The following TMEM108 variants were observed in gnomAD, a reference collection of about 807,000 sequenced individuals.
TMEM108 encodes the protein cancer/testis antigen 124.
In TMEM108, 12 loss-of-function variants were observed where a neutral mutation model predicts 35.1. The observed-to-expected ratio is 0.34, with a 90% CI of 0.22 to 0.55. The LOEUF is 0.55. Among genes scored for constraint, TMEM108 ranks in the 20% least tolerant of loss-of-function variants. The probability of loss-of-function intolerance (pLI) is 0.89; values close to 1 mark genes in which losing one functional copy is unlikely to be tolerated. For synonymous variants in TMEM108, 287 were observed against 308.6 expected (o/e 0.93, Z 0.73); for missense variants, 680 against 753.3 (o/e 0.90, Z 1.14).
intron 3 of TMEM108, among the ~76,000 whole-genome samples, chr3:133,234,245 A>G (rs1277685562): frequency 1.3e-5 from 2 of 152,142 alleles, no homozygotes; most frequent in Non-Finnish European, 2.9e-5. Context: ...ATCCAGTTTC[A>G]GCTTTCTACA....
At chr3:133,372,630 G>A (rs1414923504) in intron 3 of TMEM108, among the ~76,000 whole-genome samples, 1 of 152,178 alleles carries the variant, frequency 6.6e-6, no homozygotes, top group Admixed American at 6.5e-5. Flanking sequence ...TTGTACTCTG[G>A]GAAGCAGTTT....
intron 3 of TMEM108, among the ~76,000 whole-genome samples, chr3:133,343,233 G>C (rs1353261037): frequency 1.3e-5 from 2 of 151,888 alleles, no homozygotes; most frequent in African/African-American, 4.8e-5. Context: ...TGGTGAGAAT[G>C]TGGAGCAACA....
chr3:133,206,851 C>T (rs1267365347), intron 2 of TMEM108, among the ~76,000 whole-genome samples: 1 of 152,190 alleles, frequency 6.6e-6, no homozygotes, highest in Non-Finnish European at 1.5e-5. Context: ...TCCACTGCTC[C>T]CTTCAGAGCT....
chr3:133,044,799 A>C (rs1943315410), intron 1 of TMEM108, among the ~76,000 whole-genome samples: 1 of 152,126 alleles, frequency 6.6e-6, no homozygotes. Flanking sequence ...ATATACATTT[A>C]AGAAAAAATT....
At chr3:133,110,084 T>C (rs1438838463) in intron 2 of TMEM108, among the ~76,000 whole-genome samples, 1 of 152,168 alleles carries the variant, frequency 6.6e-6, no homozygotes, top group Non-Finnish European at 1.5e-5. Flanking sequence ...ACCAAGCCTG[T>C]TTTGCCTGTT....
chr3:133,040,186 T>A (rs1006570859), intron 1 of TMEM108, among the ~76,000 whole-genome samples: 2 of 122,230 alleles, frequency 1.6e-5, no homozygotes, highest in African/African-American at 6.3e-5. Flanking sequence ...TTTATCACAG[T>A]TTTTTTTGTT....
intron 2 of TMEM108, among the ~76,000 whole-genome samples, chr3:133,071,409 A>G (rs1576303113): frequency 6.6e-6 from 1 of 152,116 alleles, no homozygotes; most frequent in East Asian, 1.9e-4. Flanking sequence ...CACCAGTCAT[A>G]TTGGTTTAGA....
At chr3:133,330,216 G>A (rs956077136) in intron 3 of TMEM108, among the ~76,000 whole-genome samples, 15 of 152,140 alleles carry the variant, frequency 9.9e-5, no homozygotes, top group Admixed American at 9.2e-4. Context: ...CTTCCCCTGC[G>A]GAAGCCTGTG....
intron 4 of TMEM108, chr3:133,389,481 C>T (rs755821953): frequency 1.3e-4 from 102 of 772,238 alleles, no homozygotes; most frequent in Non-Finnish European, 1.6e-4. Flanking sequence ...GTCAGGAGTT[C>T]GAGACCAGCC....
chr3:133,233,373 C>A (rs553182433), intron 3 of TMEM108, among the ~76,000 whole-genome samples: 1 of 143,160 alleles, frequency 7.0e-6, no homozygotes, highest in Non-Finnish European at 1.6e-5. Context: ...ATAAACTCAT[C>A]ATTTTTTATG....
At chr3:133,175,689 G>A (rs1241780733) in intron 2 of TMEM108, among the ~76,000 whole-genome samples, 1 of 152,166 alleles carries the variant, frequency 6.6e-6, no homozygotes, top group East Asian at 1.9e-4. Flanking sequence ...ACATGGAAAG[G>A]AGCAACTGGT....
chr3:133,041,568 A>G (rs1943277072), intron 1 of TMEM108, among the ~76,000 whole-genome samples: 1 of 152,212 alleles, frequency 6.6e-6, no homozygotes, highest in Admixed American at 6.5e-5. Flanking sequence ...AACTGTTTAC[A>G]TAAGGTAGGA....
intron 3 of TMEM108, among the ~76,000 whole-genome samples, chr3:133,327,577 G>GT (rs1181975906): frequency 2.6e-5 from 4 of 152,144 alleles, no homozygotes; most frequent in African/African-American, 9.7e-5. Context: ...TTCTGTTGAA[G>GT]TGTTTGAAGA....
chr3:133,380,177 G>T lies in TMEM108; in HGVS notation c.466G>T (p.Ala156Ser). ...PPGATSRPTT[A>S]PPRTTTRRPP... ...GGGGGCCACCAGCCGCCCCACCACA[G>T]CGCCCCCCCGCACTACCACACGCAG... Residue 156 changes from alanine to serine, a missense_variant, in exon 4 of 6, where the codon GCG becomes TCG. By Grantham distance (99) the Ala-to-Ser change is moderately conservative. Transcript: ENST00000321871. The surrounding 1 kb of genome is among the most constrained non-coding windows in gnomAD (Gnocchi z 5.3). 6.2e-7 allele frequency: 1 copy of T among 1,611,878 alleles called. No individual in the cohort carries two copies. The highest frequency in any genetic ancestry group is 8.5e-7 in the Non-Finnish European group (1 of 1,178,928).
At chr3:133,353,277 T>C (rs2072062119) in intron 3 of TMEM108, among the ~76,000 whole-genome samples, 1 of 152,180 alleles carries the variant, frequency 6.6e-6, no homozygotes, top group Non-Finnish European at 1.5e-5. Flanking sequence ...TATCCACACA[T>C]TCCAACCTCC....
chr3:133,103,853 C>T (rs1192530726), intron 2 of TMEM108, among the ~76,000 whole-genome samples: 1 of 152,184 alleles, frequency 6.6e-6, no homozygotes, highest in African/African-American at 2.4e-5. Context: ...CTTTTCTCAT[C>T]TATAAAATGG....
In TMEM108 at chr3:133,280,575, G is replaced by A. The variant is rs146068621; in HGVS notation, c.40+51224G>A. ...GTAATCCATTTGCTCTGTGAGGCCC[G>A]ATTTAATTAACATTCCTGTGGACAC... is the stretch of plus-strand genomic sequence containing the variant. On this transcript the variant is annotated intron_variant, in intron 3 of 5. Coordinates refer to ENST00000321871, the MANE Select transcript of TMEM108 (RefSeq NM_023943.4). Among the ~76,000 whole-genome samples the A allele has an allele frequency of 1.8e-4, 28 of 152,258 alleles. No homozygotes were observed. In the East Asian group the frequency reaches 3.5e-3, roughly 19 times the overall value.
At chr3:133,212,229 C>T (rs1428673180) in intron 2 of TMEM108, among the ~76,000 whole-genome samples, 1 of 152,124 alleles carries the variant, frequency 6.6e-6, no homozygotes, top group East Asian at 1.9e-4. Flanking sequence ...GTAGTCTTGG[C>T]CTACATGAAT....
intron 2 of TMEM108, among the ~76,000 whole-genome samples, chr3:133,047,641 G>A (rs1181868221): frequency 6.6e-6 from 1 of 152,194 alleles, no homozygotes; most frequent in Non-Finnish European, 1.5e-5. Context: ...AATCAGAAAT[G>A]TCTCCAGACA....
Sources: gnomAD v4.1 joint callset for allele counts (sites outside exome capture counted in the v4.1 genomes callset) on GRCh38, gnomAD v4.1.1 for gene constraint, Gnocchi (gnomAD v3.1) non-coding constraint, MANE v1.5 for transcripts, NCBI Gene and HGNC (gene_info 2026-07-23, HGNC 2026-07-21) for gene names.